The following C3orf70 variants were observed in gnomAD, a reference collection of about 807,000 sequenced individuals.
C3orf70 encodes chromosome 3 open reading frame 70.
C3orf70 carries 15 observed loss-of-function variants against 20.7 expected under a neutral mutation model. The observed-to-expected ratio is 0.72, with a 90% CI of 0.48 to 1.11. The LOEUF is 1.11. C3orf70 is among the 50% of genes most tolerant of loss of function. The probability of loss-of-function intolerance (pLI) is 0.00; values close to 1 mark genes in which losing one functional copy is unlikely to be tolerated. For missense variants in C3orf70, 332 were observed against 317.6 expected, an observed-to-expected ratio of 1.05 and a Z score of -0.34; for synonymous variants, 161 against 125.7, an observed-to-expected ratio of 1.28 and a Z score of -1.88.
chr3:185,103,854 A>G (rs1482434160), intron 1 of C3orf70, among the ~76,000 whole-genome samples: 1 of 152,184 alleles, frequency 6.6e-6, no homozygotes, highest in Admixed American at 6.5e-5. Context: ...CTCCCAGGAA[A>G]AAGGCTCCTG....
intron 1 of C3orf70, among the ~76,000 whole-genome samples, chr3:185,115,873 C>T (rs1014042908): frequency 5.9e-5 from 9 of 152,186 alleles, no homozygotes; most frequent in African/African-American, 7.2e-5. Context: ...ACTTTCATAA[C>T]GGCACTAATC....
intron 1 of C3orf70, among the ~76,000 whole-genome samples, chr3:185,110,192 A>T (rs796447362): frequency 1.5e-4 from 23 of 152,348 alleles, no homozygotes; most frequent in African/African-American, 5.3e-4. Context: ...TAAGATCAAA[A>T]TTTGGTAAAG....
intron 1 of C3orf70, among the ~76,000 whole-genome samples, chr3:185,125,336 T>C (rs1049391013): frequency 1.3e-5 from 2 of 151,914 alleles, no homozygotes; most frequent in Non-Finnish European, 2.9e-5. Context: ...GCTGACACCA[T>C]GCCATTGCAC....
chr3:185,103,503 A>G (rs556637205), intron 1 of C3orf70, among the ~76,000 whole-genome samples: 1,434 of 16,020 alleles, frequency 0.09, 24 homozygotes, highest in African/African-American at 0.25. Context: ...ATTTACAAGA[A>G]AAAAAAAACC....
chr3:185,128,353 C>T (rs937726859), intron 1 of C3orf70, among the ~76,000 whole-genome samples: 5 of 152,080 alleles, frequency 3.3e-5, no homozygotes, highest in Non-Finnish European at 7.4e-5. Flanking sequence ...CATGGTGAAA[C>T]GCCGCCTCTA....
chr3:185,128,972 G>T (rs1019506106), intron 1 of C3orf70, among the ~76,000 whole-genome samples: 2 of 152,078 alleles, frequency 1.3e-5, no homozygotes, highest in Non-Finnish European at 2.9e-5. Flanking sequence ...TTCCTTGAGT[G>T]CCCAGCATGT....
chr3:185,117,742 T>G (rs9831730), intron 1 of C3orf70, among the ~76,000 whole-genome samples: 3,565 of 152,312 alleles, frequency 0.023, 61 homozygotes, highest in South Asian at 0.039. Context: ...AGGCTTTCCA[T>G]GATCTTGTTC....
At chr3:185,126,112 C>T (rs766582086) in intron 1 of C3orf70, among the ~76,000 whole-genome samples, 17 of 152,040 alleles carry the variant, frequency 1.1e-4, no homozygotes, top group Non-Finnish European at 5.9e-5. Flanking sequence ...AACAGGATGT[C>T]GATGAAAAAA....
At chr3:185,148,815 C>G (rs1268315837) in intron 1 of C3orf70, among the ~76,000 whole-genome samples, 1 of 152,202 alleles carries the variant, frequency 6.6e-6, no homozygotes, top group Non-Finnish European at 1.5e-5. Context: ...CGCCATTACC[C>G]AAATACACAT....
At chr3:185,133,003 T>C (rs1447553578) in intron 1 of C3orf70, among the ~76,000 whole-genome samples, 1 of 152,246 alleles carries the variant, frequency 6.6e-6, no homozygotes, top group East Asian at 1.9e-4. Flanking sequence ...ATCTTCAATA[T>C]ACTGGAAGTC....
chr3:185,128,861 T>A (rs1716470575), intron 1 of C3orf70, among the ~76,000 whole-genome samples: 1 of 152,182 alleles, frequency 6.6e-6, no homozygotes, highest in Non-Finnish European at 1.5e-5. Context: ...GGTGCTTTCT[T>A]TCTTAAGTTC....
Position 185,116,669 on chromosome 3 carries a change from T to C in C3orf70, c.197-33106A>G, listed in dbSNP as rs147067329. ...CCACTGCCTTAATTTGTTGTGTCAG[T>C]ACAGCAAAGCAAAGGTATGTATCTA... On this transcript the variant is annotated intron_variant, in intron 1 of 1. Transcript: ENST00000335012. Among the ~76,000 whole-genome samples, 629 of 152,302 alleles carry C rather than the reference T, an allele frequency of 4.1e-3. 3 individuals are homozygous for C. Among genetic ancestry groups the C allele is most frequent in the Non-Finnish European group, 7.2e-3 (489 of 68,020 alleles).
At chr3:185,110,931 G>C (rs1716058064) in intron 1 of C3orf70, among the ~76,000 whole-genome samples, 1 of 152,132 alleles carries the variant, frequency 6.6e-6, no homozygotes, top group African/African-American at 2.4e-5. Flanking sequence ...CGGGCTCTCA[G>C]CTCTGCAGGC....
chr3:185,127,770 C>T (rs1477739829), intron 1 of C3orf70, among the ~76,000 whole-genome samples: 1 of 151,798 alleles, frequency 6.6e-6, no homozygotes, highest in Non-Finnish European at 1.5e-5. Flanking sequence ...CCGAGTAAAC[C>T]GACTCCCTCA....
In C3orf70 at chr3:185,077,117, T is replaced by A. The variant is rs994276048; in HGVS notation, c.*5890A>T. ...GAGCATAGAGATATTTGCAGAGACATGGTATAGGGTGCGGGGTGGGGGGGC... is the reference window on the plus strand; with the variant it reads ...GAGCATAGAGATATTTGCAGAGACAAGGTATAGGGTGCGGGGTGGGGGGGC... On this transcript the variant is annotated 3_prime_UTR_variant, in exon 2 of 2. Coordinates refer to ENST00000335012, the MANE Select transcript of C3orf70 (RefSeq NM_001025266.3). Among the ~76,000 whole-genome samples, 1 of 149,878 alleles carries A rather than the reference T, an allele frequency of 6.7e-6. No individual in the cohort carries two copies. The highest frequency in any genetic ancestry group is 2.1e-4 in the South Asian group (1 of 4,752).
Position 185,090,547 on chromosome 3 carries a change from GAAAA to G in C3orf70, c.197-6988_197-6985del, listed in dbSNP as rs527781104. 2.6e-5 allele frequency among the ~76,000 whole-genome samples: 4 copies of G among 151,956 alleles called. No homozygotes were observed. In the South Asian group the frequency reaches 6.2e-4, roughly 24 times the overall value. ...ATATAATTAGAAAGGTAAATCTACT[GAAAA>G]AAAATGAGTGGCCTGAGGTAAATTG... On this transcript the variant is annotated intron_variant, in intron 1 of 1. Coordinates refer to ENST00000335012, the MANE Select transcript of C3orf70 (RefSeq NM_001025266.3).
chr3:185,083,556 G>GT lies in C3orf70; in HGVS notation c.203dup (p.Tyr68Ter), dbSNP rs1170784942. ...CCACAGGGGTCATAGGCTGATACATGTATTTGCCTGTGAAGACACAAAAAG... is the reference window on the plus strand; with the variant it reads ...CCACAGGGGTCATAGGCTGATACATGTTATTTGCCTGTGAAGACACAAAAAG... Reference protein sequence around the residue: ...CCHLGWCHCKYMYQPMTPVEQ... With the variant: ...CCHLGWCHCK Residue 68 changes from tyrosine (Y) to a stop codon, truncating the protein, a stop_gained and frameshift_variant, in exon 2 of 2, where the codon TAC (tyrosine) becomes TAAC (stop). Transcript: ENST00000335012. LOFTEE classifies it high-confidence loss of function. The GT allele has an allele frequency of 6.3e-7, 1 of 1,582,040 alleles. No homozygotes were observed. The highest frequency in any genetic ancestry group is 1.7e-4 in the Middle Eastern group (1 of 5,904).
At chr3:185,105,851 C>T (rs1429403940) in intron 1 of C3orf70, among the ~76,000 whole-genome samples, 1 of 152,118 alleles carries the variant, frequency 6.6e-6, no homozygotes, top group Admixed American at 6.5e-5. Context: ...AGCTTGGAAG[C>T]GTCAGGGTAA....
chr3:185,145,895 T>C lies in C3orf70; in HGVS notation c.196+6733A>G, dbSNP rs919786050. On this transcript the variant is annotated intron_variant, in intron 1 of 1. Coordinates refer to ENST00000335012, the MANE Select transcript of C3orf70 (RefSeq NM_001025266.3). ...TGTTGAAGTTTACGTGCATCCATCA[T>C]TGAAGCACCAGCTACACAGAAAGAC... Among the ~76,000 whole-genome samples the C allele has an allele frequency of 3.3e-5, 5 of 152,256 alleles. No homozygotes were observed. In the South Asian group the frequency reaches 6.2e-4, roughly 19 times the overall value.
Sources: allele counts gnomAD v4.1 joint callset (sites outside exome capture counted in the v4.1 genomes callset), GRCh38; gene constraint gnomAD v4.1.1; transcripts MANE v1.5; gene names NCBI Gene and HGNC (gene_info 2026-07-23, HGNC 2026-07-21).